The following DOCK1 variants were observed in gnomAD, a reference collection of about 807,000 sequenced individuals.
DOCK1 encodes the protein dedicator of cytokinesis 1, also known as dedicator of cytokinesis protein 1.
DOCK1 carries 138 observed loss-of-function variants against 262.7 expected under a neutral mutation model. The ratio of observed to expected loss-of-function variants is 0.53; its 90% CI spans 0.46 to 0.61. The LOEUF (loss-of-function observed/expected upper bound fraction) is 0.61. Ranked by LOEUF, DOCK1 falls within the 20% of genes least tolerant of loss-of-function variation. The pLI, the probability that DOCK1 is intolerant of heterozygous loss-of-function variation, is 0.00. For synonymous variants in DOCK1, 866 were observed against 867.4 expected, an observed-to-expected ratio of 1.00 and a Z score of 0.03; for missense variants, 1,908 against 2,370.7, an observed-to-expected ratio of 0.80 and a Z score of 4.05.
chr10:126,961,358 C>T (rs1029126055), intron 1 of DOCK1, among the ~76,000 whole-genome samples: 9 of 152,078 alleles, frequency 5.9e-5, no homozygotes, highest in Non-Finnish European at 1.3e-4. Context: ...GAGGCTGAGG[C>T]GGGCGGATCA....
chr10:127,084,936 G>A (rs1420422923), intron 23 of DOCK1, among the ~76,000 whole-genome samples: 2 of 152,194 alleles, frequency 1.3e-5, no homozygotes, highest in Non-Finnish European at 2.9e-5. Context: ...GACCACCTTA[G>A]CCTGGGTTGG....
intron 25 of DOCK1, among the ~76,000 whole-genome samples, chr10:127,117,751 A>G (rs2049282244): frequency 6.6e-6 from 1 of 152,136 alleles, no homozygotes; most frequent in South Asian, 2.1e-4. Context: ...GTTGTGCTGT[A>G]TTTAGTCATG....
chr10:127,296,661 G>A (rs201971137), intron 29 of DOCK1, among the ~76,000 whole-genome samples: 35 of 152,352 alleles, frequency 2.3e-4, no homozygotes, highest in East Asian at 1.5e-3. Flanking sequence ...TCAGGGCTGA[G>A]CTTCTAAACA....
intron 23 of DOCK1, among the ~76,000 whole-genome samples, chr10:127,093,682 A>G (rs1044595310): frequency 1.3e-5 from 2 of 151,262 alleles, no homozygotes; most frequent in Admixed American, 6.6e-5. Flanking sequence ...AAAGATAGTC[A>G]TCATTGGATT....
intron 38 of DOCK1, 135 bp from the exon 39 acceptor site, chr10:127,402,916 ATTTT>A (rs1329210544): frequency 1.2e-6 from 1 of 861,264 alleles, no homozygotes; most frequent in Non-Finnish European, 1.8e-6. Flanking sequence ...AAATATTTGT[ATTTT>A]TTCGGTGTTA....
chr10:127,168,524 A>G (rs1564861297), intron 27 of DOCK1, among the ~76,000 whole-genome samples: 1 of 152,238 alleles, frequency 6.6e-6, no homozygotes, highest in Admixed American at 6.5e-5. Flanking sequence ...AAGAGCCACA[A>G]GATCATTTTC....
At chr10:127,319,166 A>AAT (rs2062413236) in intron 29 of DOCK1, among the ~76,000 whole-genome samples, 1 of 152,360 alleles carries the variant, frequency 6.6e-6, no homozygotes, top group Non-Finnish European at 1.5e-5. Flanking sequence ...GCGTGGTGCA[A>AAT]ATACTGATCA....
intron 35 of DOCK1, among the ~76,000 whole-genome samples, 161 bp downstream of exon 35, chr10:127,374,375 G>A (rs534809406): frequency 3.5e-4 from 53 of 152,220 alleles, no homozygotes; most frequent in South Asian, 1.2e-3. Context: ...AAGGAATCAT[G>A]AAGTCGTCCA....
chr10:126,924,403 G>A (rs1442729070), intron 1 of DOCK1, among the ~76,000 whole-genome samples: 1 of 140,326 alleles, frequency 7.1e-6, no homozygotes, highest in African/African-American at 2.8e-5. Flanking sequence ...GAGGCTGTGA[G>A]TGCTGGAACT....
intron 29 of DOCK1, among the ~76,000 whole-genome samples, chr10:127,307,173 T>C (rs1470986271): frequency 6.6e-6 from 1 of 152,186 alleles, no homozygotes; most frequent in East Asian, 1.9e-4. Flanking sequence ...TCATTTTGTT[T>C]TTGTATTTAA....
intron 40 of DOCK1, among the ~76,000 whole-genome samples, chr10:127,407,982 A>G (rs1259095296): frequency 6.6e-6 from 1 of 152,124 alleles, no homozygotes; most frequent in Non-Finnish European, 1.5e-5. Context: ...CAGCAGCAGC[A>G]TTACACTAGG....
intron 27 of DOCK1, among the ~76,000 whole-genome samples, chr10:127,213,430 G>A (rs1264798457): frequency 6.6e-6 from 1 of 152,178 alleles, no homozygotes; most frequent in African/African-American, 2.4e-5. Context: ...CTGAGCTAGG[G>A]TGGAATTTAC....
chr10:127,021,676 T>C (rs2042432902), intron 13 of DOCK1, among the ~76,000 whole-genome samples: 1 of 152,202 alleles, frequency 6.6e-6, no homozygotes, highest in Non-Finnish European at 1.5e-5. Flanking sequence ...ACGGTTCTTC[T>C]CGTGGTCAGT....
intron 23 of DOCK1, among the ~76,000 whole-genome samples, chr10:127,097,333 A>G (rs553630090): frequency 1.3e-5 from 2 of 152,170 alleles, no homozygotes; most frequent in African/African-American, 4.8e-5. Context: ...AGGTGAACCA[A>G]ATCTTAAGAG....
chr10:127,415,424 G>A (rs1169200373), intron 44 of DOCK1, among the ~76,000 whole-genome samples, 186 bp downstream of exon 44: 3 of 152,196 alleles, frequency 2.0e-5, no homozygotes, highest in South Asian at 2.1e-4. Context: ...CCATATTTTA[G>A]TGGAAATGCT....
chr10:127,409,738 G>A (rs1314808108), intron 42 of DOCK1, among the ~76,000 whole-genome samples: 1 of 152,138 alleles, frequency 6.6e-6, no homozygotes, highest in Admixed American at 6.5e-5. Flanking sequence ...CACAAGTCCT[G>A]CCTGTTCCCA....
At chr10:127,143,357 C>G (rs1382343011) in intron 27 of DOCK1, among the ~76,000 whole-genome samples, 2 of 152,206 alleles carry the variant, frequency 1.3e-5, no homozygotes, top group African/African-American at 4.8e-5. Context: ...CTTTAATTCT[C>G]TTTGAATTAG....
chr10:126,996,943 G>A, intron 7 of DOCK1, 60 bp downstream of exon 7: 4 of 1,492,270 alleles, frequency 2.7e-6, no homozygotes, highest in Non-Finnish European at 3.5e-6. Flanking sequence ...TTCAACATTA[G>A]TAAAGTATCA....
At chr10:127,300,741 G>A (rs1197696913) in intron 29 of DOCK1, among the ~76,000 whole-genome samples, 5 of 152,084 alleles carry the variant, frequency 3.3e-5, no homozygotes, top group Admixed American at 6.5e-5. Context: ...CTCCCCAGCC[G>A]TTTTCTCTCC....
Sources: gnomAD v4.1 joint callset for allele counts (sites outside exome capture counted in the v4.1 genomes callset) on GRCh38, gnomAD v4.1.1 for gene constraint, MANE v1.5 for transcripts, NCBI Gene and HGNC (gene_info 2026-07-23, HGNC 2026-07-21) for gene names.